PCM1: variants seen among roughly 807,000 people sequenced by gnomAD.
PCM1 encodes the protein pericentriolar material 1, also known as pericentriolar material 1 protein.
In PCM1, 157 loss-of-function variants were observed where a neutral mutation model predicts 241.9. The observed-to-expected ratio is 0.65, with a 90% CI of 0.57 to 0.74. The LOEUF (loss-of-function observed/expected upper bound fraction) is 0.74, where lower values mean the gene tolerates loss of function less well. PCM1 is among the 30% of genes least tolerant of loss of function. The pLI, the probability that PCM1 is intolerant of heterozygous loss-of-function variation, is 0.00. For missense variants in PCM1, 3,478 were observed against 2,360.1 expected, an observed-to-expected ratio of 1.47 and a Z score of -9.81; for synonymous variants, 1,085 against 784.9, an observed-to-expected ratio of 1.38 and a Z score of -6.39.
In PCM1 at chr8:17,942,496, G is replaced by T. The variant is rs530811848; in HGVS notation, c.783+2635G>T. 2.0e-5 allele frequency among the ~76,000 whole-genome samples: 3 copies of T among 152,106 alleles called. No homozygotes were observed. The South Asian group carries it at 6.2e-4, about 32-fold the overall frequency. On this transcript the variant is annotated intron_variant, in intron 6 of 38. Transcript: ENST00000325083. ...AAATAAAAATAAATAAATTTAGATG[G>T]TAGTTTGTCAGATTTTTTGGTTTAT...
intron 6 of PCM1, among the ~76,000 whole-genome samples, chr8:17,941,863 G>C (rs932288142): frequency 2.2e-5 from 3 of 138,998 alleles, no homozygotes; most frequent in Non-Finnish European, 4.5e-5. Flanking sequence ...AACTTGGGAA[G>C]TCTCTAAATG....
Position 18,011,891 on chromosome 8 carries a change from C to T in PCM1, c.5511+64C>T, listed in dbSNP as rs1250290119. The T allele has an allele frequency of 8.3e-6, 12 of 1,441,340 alleles. No homozygotes were observed. In the East Asian group the frequency reaches 2.8e-4, roughly 33 times the overall value. 89.3% of individuals were successfully genotyped at this position (1,441,340 alleles called of 1,614,324 possible). ...TTTTAACTAATCAAACTTCCATCAG[C>T]CTTATTTTAACTAATCAAAGTAGAT... On this transcript the variant is annotated intron_variant, in intron 34 of 38. Transcript: ENST00000325083.
intron 16 of PCM1, chr8:17,962,886 G>A: frequency 2.4e-6 from 1 of 423,018 alleles, no homozygotes; most frequent in Non-Finnish European, 4.2e-6. Context: ...CCAGATGACA[G>A]AGTGAGACTC....
Position 17,938,959 on chromosome 8 carries a change from C to A in PCM1, c.562C>A (p.Gln188Lys). Residue 188 changes from glutamine to lysine, a missense_variant, in exon 5 of 39, where the codon CAG (glutamine) becomes AAG (lysine). Physicochemically the swap from Gln to Lys is moderately conservative, Grantham distance 53 (BLOSUM62 1). Coordinates refer to ENST00000325083, the MANE Select transcript of PCM1 (RefSeq NM_006197.4). Reference sequence around the variant, plus strand: ...AAGTAATGACCTCTTGCAAAACTGTCAGGTGTCTGAAGAAGATGGGAGGGG... The same window carrying A: ...AAGTAATGACCTCTTGCAAAACTGTAAGGTGTCTGAAGAAGATGGGAGGGG... ...ALSNDLLQNC[Q>K]VSEEDGRGEP... The A allele has an allele frequency of 1.2e-6, 2 of 1,613,688 alleles. No homozygotes were observed. The highest frequency in any genetic ancestry group is 2.2e-5 in the South Asian group (2 of 91,054).
chr8:17,966,533 A>C, intron 20 of PCM1, 60 bp downstream of exon 20: 1 of 1,482,574 alleles, frequency 6.7e-7, no homozygotes, highest in Non-Finnish European at 9.3e-7. Flanking sequence ...CAGAGGTTTT[A>C]CAGTTAGCTT....
intron 7 of PCM1, among the ~76,000 whole-genome samples, chr8:17,948,845 T>C (rs1460313666): frequency 6.6e-6 from 1 of 152,220 alleles, no homozygotes; most frequent in Non-Finnish European, 1.5e-5. Context: ...ATTTAAAAGC[T>C]TTCCTTTGGT....
At position 17,964,226 on chromosome 8, in the gene PCM1, A is replaced by C. The variant is rs745579656; in HGVS notation, c.2655-342A>C. 1.6e-3 allele frequency among the ~76,000 whole-genome samples: 242 copies of C among 152,348 alleles called. 1 individual carries two copies. The highest frequency in any genetic ancestry group is 2.9e-3 in the Non-Finnish European group (197 of 68,034). On this transcript the variant is annotated intron_variant, in intron 17 of 38. Coordinates refer to ENST00000325083, the MANE Select transcript of PCM1 (RefSeq NM_006197.4). Reference sequence around the variant, plus strand: ...CTACTGTATTGGATAGCACAGATACAGATGATTGCCGTAATTATAGAAAGT... The same window carrying C: ...CTACTGTATTGGATAGCACAGATACCGATGATTGCCGTAATTATAGAAAGT...
chr8:17,996,397 G>A (rs906276115), intron 29 of PCM1, among the ~76,000 whole-genome samples: 3 of 152,156 alleles, frequency 2.0e-5, no homozygotes, highest in Admixed American at 6.5e-5. Context: ...ACTTGGTCAC[G>A]ATGGATCATC....
chr8:17,948,137 T>C (rs1414799102), intron 7 of PCM1, among the ~76,000 whole-genome samples: 1 of 152,104 alleles, frequency 6.6e-6, no homozygotes, highest in East Asian at 1.9e-4. Context: ...GAGCGCTTTG[T>C]TTTTGCGAGT....
chr8:17,969,473 TG>T, intron 21 of PCM1, 103 bp from the exon 22 acceptor site: 1 of 834,684 alleles, frequency 1.2e-6, no homozygotes, highest in South Asian at 1.8e-5. Flanking sequence ...TTTTTTGTTT[TG>T]GTGGATTTGA....
chr8:17,988,350 T>C (rs2083314444), intron 26 of PCM1, among the ~76,000 whole-genome samples: 1 of 151,816 alleles, frequency 6.6e-6, no homozygotes, highest in Non-Finnish European at 1.5e-5. Context: ...CTGTAAAATG[T>C]CATAATCAAA....
At chr8:18,013,577 C>G (rs745460601) in intron 34 of PCM1, among the ~76,000 whole-genome samples, 2 of 152,190 alleles carry the variant, frequency 1.3e-5, no homozygotes, top group Non-Finnish European at 2.9e-5. Context: ...CTGTTACTTA[C>G]AGTTATGAGG....
In PCM1 at chr8:17,969,463, T is replaced by G. The variant is rs2076139642; in HGVS notation, c.3413-114T>G. The G allele has an allele frequency of 5.3e-6, 4 of 758,856 alleles. No homozygotes were observed. In the South Asian group the frequency reaches 7.7e-5, roughly 15 times the overall value. The allele number at this position is 758,856 out of a possible 1,614,324, so 47.0% of individuals were successfully genotyped here. A position where few individuals can be genotyped will look rare whatever the true frequency, so the allele number is the denominator to read the frequency against. On this transcript the variant is annotated intron_variant, in intron 21 of 38. Transcript: ENST00000325083. ...ATTAGCTTTTTTTTTTAATTAACAG[T>G]TTTTTGTTTTGGTGGATTTGAATGA...
At position 17,991,682 on chromosome 8, in the gene PCM1, A is replaced by G; in HGVS notation, c.4672A>G (p.Thr1558Ala). ...EDGDGAGAGT[T>A]VNNLEETPVI... ...TGGAGATGGTGCTGGTGCAGGTACT[A>G]CAGTTAATAATTTAGAAGGTATATA... Residue 1558 changes from threonine to alanine, a missense_variant, in exon 28 of 39, where the codon ACA (threonine) becomes GCA (alanine). Physicochemically the swap from Thr to Ala is moderately conservative, Grantham distance 58. Transcript: ENST00000325083. The G allele has an allele frequency of 6.4e-7, 1 of 1,551,706 alleles. No individual in the cohort carries two copies. The highest frequency in any genetic ancestry group is 8.7e-7 in the Non-Finnish European group (1 of 1,147,492).
At chr8:18,024,285 G>C (rs1458072673) in intron 36 of PCM1, among the ~76,000 whole-genome samples, 1 of 152,160 alleles carries the variant, frequency 6.6e-6, no homozygotes, top group East Asian at 1.9e-4. Context: ...AGGATCACTT[G>C]AGCCCAGGAG....
chr8:17,930,132 C>G (rs1338602179), intron 2 of PCM1, among the ~76,000 whole-genome samples: 2 of 134,192 alleles, frequency 1.5e-5, no homozygotes, highest in Non-Finnish European at 1.5e-5. Context: ...GAGACAGAGT[C>G]TCGCTCTTCC....
chr8:17,937,496 T>C, intron 4 of PCM1, 117 bp downstream of exon 4: 1 of 885,052 alleles, frequency 1.1e-6, no homozygotes, highest in East Asian at 2.8e-5. Flanking sequence ...AAAAAAAGTT[T>C]CTGTGCCTAT....
intron 2 of PCM1, chr8:17,926,423 GACT>G (rs2056980678): frequency 6.6e-6 from 1 of 152,190 alleles, no homozygotes; most frequent in South Asian, 2.1e-4. Context: ...GCTATGTAAT[GACT>G]ACTACAGATA....
intron 7 of PCM1, among the ~76,000 whole-genome samples, chr8:17,949,003 G>C (rs1054383725): frequency 1.3e-5 from 2 of 152,160 alleles, no homozygotes; most frequent in African/African-American, 4.8e-5. Context: ...AATTTTAGCA[G>C]AATTACATTT....
Sources: gnomAD v4.1 joint callset for allele counts (sites outside exome capture counted in the v4.1 genomes callset) on GRCh38, gnomAD v4.1.1 for gene constraint, MANE v1.5 for transcripts, NCBI Gene and HGNC (gene_info 2026-07-23, HGNC 2026-07-21) for gene names.